The following APP variants were observed in gnomAD, a reference collection of about 807,000 sequenced individuals.
APP encodes amyloid beta precursor protein.
A neutral mutation model predicts 101.4 loss-of-function variants in APP; 31 were observed. That is an observed-to-expected ratio of 0.31 (90% CI 0.23 to 0.41). The LOEUF (loss-of-function observed/expected upper bound fraction) is 0.41, where lower values mean the gene tolerates loss of function less well. Among genes scored for constraint, APP ranks in the 10% least tolerant of loss-of-function variants. APP has a pLI of 1.00. For missense variants in APP, 839 were observed against 1,003.7 expected (o/e 0.84, Z 2.22); for synonymous variants, 366 against 364.4 (o/e 1.00, Z -0.05).
chr21:26,061,326 C>T (rs1182540651), intron 3 of APP, among the ~76,000 whole-genome samples: 1 of 152,144 alleles, frequency 6.6e-6, no homozygotes, highest in Non-Finnish European at 1.5e-5. Flanking sequence ...TACTTACTAA[C>T]TTGTATACAC....
intron 1 of APP, among the ~76,000 whole-genome samples, chr21:26,118,435 TAC>T (rs1047334187): frequency 6.6e-6 from 1 of 152,180 alleles, no homozygotes; most frequent in Admixed American, 6.5e-5. Context: ...TATATATACA[TAC>T]ACACACACTA....
intron 3 of APP, among the ~76,000 whole-genome samples, chr21:26,065,432 G>GA (rs1371987096): frequency 6.6e-6 from 1 of 151,842 alleles, no homozygotes; most frequent in African/African-American, 2.4e-5. Flanking sequence ...CTTTTTTTTA[G>GA]AAAAAAATAT....
At chr21:26,066,405 C>T (rs2046454956) in intron 3 of APP, among the ~76,000 whole-genome samples, 1 of 152,006 alleles carries the variant, frequency 6.6e-6, no homozygotes, top group African/African-American at 2.4e-5. Flanking sequence ...TACCTTCCAT[C>T]TCCAGAACTG....
At chr21:25,999,253 T>C (rs944645704) in intron 7 of APP, among the ~76,000 whole-genome samples, 3 of 152,080 alleles carry the variant, frequency 2.0e-5, no homozygotes, top group Admixed American at 2.0e-4. Flanking sequence ...GATCACGCCA[T>C]TGCACTCCAG....
intron 2 of APP, among the ~76,000 whole-genome samples, chr21:26,109,960 CAT>C (rs1416226304): frequency 1.3e-5 from 2 of 152,164 alleles, no homozygotes; most frequent in African/African-American, 4.8e-5. Context: ...GTATCAAAAA[CAT>C]ATAAGTATGC....
rs1555851833 is a variant in APP at position 26,032,805 on chromosome 21, A to ATATATATAT, written c.663-10764_663-10763insATATATATA. On this transcript the variant is annotated intron_variant, in intron 5 of 17. Transcript: ENST00000346798. Reference sequence around the variant, plus strand: ...GGCTTATTATTTTAGAAAAAAAAAAAATATATATATATATATAAAGAGCTA... The same window carrying ATATATATAT: ...GGCTTATTATTTTAGAAAAAAAAAAATATATATATATATATATATATATATAAAGAGCTA... Among the ~76,000 whole-genome samples, 5 of 124,474 alleles carry ATATATATAT rather than the reference A, an allele frequency of 4.0e-5. No individual in the cohort carries two copies. In the East Asian group the frequency reaches 6.6e-4, roughly 16 times the overall value. 81.7% of individuals were successfully genotyped at this position (124,474 alleles called of 152,430 possible).
intron 13 of APP, chr21:25,945,881 C>T: frequency 2.2e-6 from 1 of 455,480 alleles, no homozygotes; most frequent in Non-Finnish European, 4.4e-6. Flanking sequence ...GTGGTCTTGC[C>T]ATGTTTCCCA....
intron 13 of APP, among the ~76,000 whole-genome samples, chr21:25,951,318 A>C (rs573865630): frequency 1.3e-5 from 2 of 152,366 alleles, no homozygotes; most frequent in Admixed American, 1.3e-4. Flanking sequence ...AATTTACTGA[A>C]GCAGATATAC....
chr21:26,148,384 A>G (rs1444326271), intron 1 of APP, among the ~76,000 whole-genome samples: 1 of 152,190 alleles, frequency 6.6e-6, no homozygotes, highest in Admixed American at 6.5e-5. Flanking sequence ...CTGTGTCCCG[A>G]ACCAACATTC....
At chr21:25,886,003 G>T (rs2037299222) in intron 17 of APP, among the ~76,000 whole-genome samples, 1 of 152,140 alleles carries the variant, frequency 6.6e-6, no homozygotes, top group Non-Finnish European at 1.5e-5. Flanking sequence ...ATTATGTACA[G>T]TAACCAGCAG....
rs1327866483 is a variant in APP, at chr21:26,170,597, G to A, written c.24C>T (p.Leu8=). Reference sequence around the variant, plus strand: ...CCCGAGCCGTCCAGGCGGCCAGCAGGAGCAGTGCCAAACCGGGCAGCATCG... The same window carrying A: ...CCCGAGCCGTCCAGGCGGCCAGCAGAAGCAGTGCCAAACCGGGCAGCATCG... MLPGLAL[L]LLAAWTARAL... Residue 8 remains leucine (L), a synonymous_variant, in exon 1 of 18, where the codon CTC becomes CTT. Coordinates refer to ENST00000346798, the MANE Select transcript of APP (RefSeq NM_000484.4). 7 of 1,538,894 alleles carry A rather than the reference G, an allele frequency of 4.5e-6. No homozygotes were observed. In the African/African-American group the frequency reaches 6.8e-5, roughly 15 times the overall value.
chr21:25,883,685 T>A (rs369293211), intron 17 of APP, among the ~76,000 whole-genome samples: 42 of 152,250 alleles, frequency 2.8e-4, no homozygotes, highest in African/African-American at 1.0e-3. Flanking sequence ...AGAGGGAGAC[T>A]CTGTCTCAAA....
chr21:25,933,670 T>G (rs530681785), intron 13 of APP: 1 of 152,318 alleles, frequency 6.6e-6, no homozygotes, highest in Admixed American at 6.5e-5. Flanking sequence ...ATCTTCCAAG[T>G]GTGGTAAACA....
chr21:26,019,437 G>GGA lies in APP; in HGVS notation c.865+2401_865+2402dup, dbSNP rs1177788145. On this transcript the variant is annotated intron_variant, in intron 6 of 17. Coordinates refer to ENST00000346798, the MANE Select transcript of APP (RefSeq NM_000484.4). ...CTAGTTCAAATGTCATGCTCTCCAT[G>GGA]GAACCTTCTCTGATCAATCCAGAAG... Among the ~76,000 whole-genome samples, 3 of 152,050 alleles carry GGA rather than the reference G, an allele frequency of 2.0e-5. No homozygotes were observed. The South Asian group carries it at 6.3e-4, about 32-fold the overall frequency.
chr21:25,908,690 A>AT (rs2038912106), intron 14 of APP, among the ~76,000 whole-genome samples: 6 of 31,348 alleles, frequency 1.9e-4, no homozygotes, highest in African/African-American at 8.3e-4. Flanking sequence ...TCCTGGCTCC[A>AT]TTAAAAAAAA....
chr21:25,902,843 G>A (rs925782315), intron 15 of APP, among the ~76,000 whole-genome samples: 6 of 152,148 alleles, frequency 3.9e-5, no homozygotes, highest in Non-Finnish European at 8.8e-5. Context: ...TGAGAGCAGG[G>A]ACCCTACCGT....
chr21:25,968,127 T>A (rs1423535925), intron 11 of APP, among the ~76,000 whole-genome samples: 2 of 152,158 alleles, frequency 1.3e-5, no homozygotes, highest in African/African-American at 4.8e-5. Context: ...TTAATAATTG[T>A]AATATTTCAA....
chr21:26,019,202 A>T (rs1484606786), intron 6 of APP, among the ~76,000 whole-genome samples: 1 of 152,252 alleles, frequency 6.6e-6, no homozygotes. Flanking sequence ...TTGTTAATTA[A>T]TCACCTGCAG....
At chr21:25,980,588 G>C (rs2042390602) in intron 9 of APP, among the ~76,000 whole-genome samples, 2 of 152,116 alleles carry the variant, frequency 1.3e-5, no homozygotes, top group African/African-American at 4.8e-5. Flanking sequence ...AAAGTACTGT[G>C]ATTATAAGGC....
Sources: gnomAD v4.1 joint callset for allele counts (sites outside exome capture counted in the v4.1 genomes callset) on GRCh38, gnomAD v4.1.1 for gene constraint, MANE v1.5 for transcripts, NCBI Gene and HGNC (gene_info 2026-07-23, HGNC 2026-07-21) for gene names.